The following RNF128 variants were observed in gnomAD, a reference collection of about 807,000 sequenced individuals.
RNF128 encodes E3 ubiquitin-protein ligase RNF128.
A neutral mutation model predicts 26.2 loss-of-function variants in RNF128; 13 were observed. The ratio of observed to expected loss-of-function variants is 0.50; its 90% CI spans 0.32 to 0.79. The LOEUF (loss-of-function observed/expected upper bound fraction) is 0.79. Ranked by LOEUF, RNF128 falls within the 30% of genes least tolerant of loss-of-function variation. The pLI is 0.03. For missense variants in RNF128, 315 were observed against 349.7 expected (o/e 0.90, Z 0.79); for synonymous variants, 149 against 142.5 (o/e 1.05, Z -0.32).
At chrX:106,755,450 T>C (rs1257353709) in intron 1 of RNF128, among the ~76,000 whole-genome samples, 1 of 108,122 alleles carries the variant, frequency 9.2e-6, no homozygotes. Flanking sequence ...GACAAAGACA[T>C]ATCGAAAAAA....
In RNF128 at chrX:106,727,019, T is replaced by G. The variant is rs1454708219; in HGVS notation, c.106T>G (p.Ser36Ala). The G allele has an allele frequency of 2.5e-6, 3 of 1,206,068 alleles. No individual in the cohort carries two copies. Among genetic ancestry groups the G allele is most frequent in the Non-Finnish European group, 3.4e-6 (3 of 893,256 alleles). The part of the protein sequence containing the change: ...LLALSPQAPG[S>A]RGAEAVWTAY... ...GGCCCTGAGTCCGCAGGCACCCGGTTCCCGGGGGGCTGAAGCAGTGTGGAC... is the reference window on the plus strand; with the variant it reads ...GGCCCTGAGTCCGCAGGCACCCGGTGCCCGGGGGGCTGAAGCAGTGTGGAC... The change falls in exon 1 of 7, where the codon TCC (serine) becomes GCC (alanine). Residue 36 changes from serine (S) to alanine (A), a missense_variant. Physicochemically the swap from Ser to Ala is moderately conservative, Grantham distance 99. Transcript: ENST00000255499.
chrX:106,744,382 G>A (rs1267271195), intron 1 of RNF128, among the ~76,000 whole-genome samples: 1 of 111,597 alleles, frequency 9.0e-6, no homozygotes, highest in Non-Finnish European at 1.9e-5. Flanking sequence ...GAAAAACAAT[G>A]CCACTCTTCC....
rs1245143013 is a variant in RNF128, at chrX:106,731,812, TTGC to T, written c.484+4417_484+4419del. ...ATTCTCACATATGTCTCCTTCTTCCTTGCTTTCAATACCCTGCTTTCAGTTCCT... is the reference window on the plus strand; with the variant it reads ...ATTCTCACATATGTCTCCTTCTTCCTTTTCAATACCCTGCTTTCAGTTCCT... On this transcript the variant is annotated intron_variant, in intron 1 of 6. Coordinates refer to ENST00000255499, the MANE Select transcript of RNF128 (RefSeq NM_194463.2). Among the ~76,000 whole-genome samples the T allele has an allele frequency of 8.1e-5, 9 of 111,721 alleles. No homozygotes were observed. The Admixed American group carries it at 8.6e-4, about 11-fold the overall frequency.
chrX:106,760,597 T>A lies in RNF128; in HGVS notation c.485-12316T>A, dbSNP rs184680477. ...ACAGTATGGAGAGTTTTTAAAAATGTTAGAAATACAATTACCATATAATCT... is the reference window on the plus strand; with the variant it reads ...ACAGTATGGAGAGTTTTTAAAAATGATAGAAATACAATTACCATATAATCT... On this transcript the variant is annotated intron_variant, in intron 1 of 6. Transcript: ENST00000255499. Among the ~76,000 whole-genome samples, 8 of 111,866 alleles carry A rather than the reference T, an allele frequency of 7.2e-5. No homozygotes were observed. In the East Asian group the frequency reaches 2.2e-3, roughly 31 times the overall value.
intron 1 of RNF128, among the ~76,000 whole-genome samples, chrX:106,709,407 C>T (rs1378861344): frequency 8.9e-6 from 1 of 111,848 alleles, no homozygotes; most frequent in South Asian, 3.7e-4. Context: ...CTCATTCAAG[C>T]AATAATACGT....
chrX:106,711,044 A>G (rs1929118393), intron 1 of RNF128, among the ~76,000 whole-genome samples: 1 of 111,990 alleles, frequency 8.9e-6, no homozygotes, highest in African/African-American at 3.2e-5. Context: ...CAGGATGTTG[A>G]AAAATATTTT....
At chrX:106,785,734 C>G (rs993082142) in intron 3 of RNF128, among the ~76,000 whole-genome samples, 21 of 112,227 alleles carry the variant, frequency 1.9e-4, no homozygotes, top group African/African-American at 6.8e-4. Context: ...CTACAGGAAA[C>G]TAATACAATG....
At chrX:106,719,618 G>A (rs1452437275) in intron 1 of RNF128, among the ~76,000 whole-genome samples, 2 of 111,365 alleles carry the variant, frequency 1.8e-5, no homozygotes, top group East Asian at 5.6e-4. Context: ...TCTCTCATTT[G>A]TCCTAGGCAA....
intron 1 of RNF128, among the ~76,000 whole-genome samples, chrX:106,737,598 T>TC (rs1232975734): frequency 9.0e-6 from 1 of 111,704 alleles, no homozygotes; most frequent in Non-Finnish European, 1.9e-5. Context: ...GCACTTTTTT[T>TC]CCCAAACATT....
chrX:106,703,957 C>T (rs1928999617), intron 1 of RNF128, among the ~76,000 whole-genome samples: 1 of 109,902 alleles, frequency 9.1e-6, no homozygotes, highest in Admixed American at 9.7e-5. Flanking sequence ...ACACTGAGGA[C>T]AGAATGTTGG....
Position 106,769,546 on chromosome X carries a change from G to GTTT in RNF128, c.485-3351_485-3349dup, listed in dbSNP as rs752900867. On this transcript the variant is annotated intron_variant, in intron 1 of 6. Coordinates refer to ENST00000255499, the MANE Select transcript of RNF128 (RefSeq NM_194463.2). ...AGACTAGGATTGCTACACCTGCTTT[G>GTTT]TTTTTTTTTTTTTTTTTTGCTTTCC... Among the ~76,000 whole-genome samples the GTTT allele has an allele frequency of 1.4e-3, 89 of 65,102 alleles. 1 individual carries two copies. Among genetic ancestry groups the GTTT allele is most frequent in the Admixed American group, 2.9e-3 (13 of 4,424 alleles). 56.5% of individuals were successfully genotyped at this position (65,102 alleles called of 115,157 possible).
rs750922463 is a variant in RNF128, at chrX:106,772,933, A to G, written c.505A>G (p.Ile169Val). The G allele has an allele frequency of 3.3e-6, 4 of 1,208,259 alleles. No individual in the cohort carries two copies. The highest frequency in any genetic ancestry group is 3.4e-6 in the Non-Finnish European group (3 of 894,321). The change falls in exon 2 of 7, where the codon ATC becomes GTC. Residue 169 changes from isoleucine to valine, a missense_variant. Coordinates refer to ENST00000255499, the MANE Select transcript of RNF128 (RefSeq NM_194463.2). ...TACAGGTGCAGTAGACATTGTTGCAATCATGATCGGCAATCTGAAAGGCAC... is the reference window on the plus strand; with the variant it reads ...TACAGGTGCAGTAGACATTGTTGCAGTCATGATCGGCAATCTGAAAGGCAC... Reference protein sequence around the residue: ...SHPGAVDIVAIMIGNLKGTKI... With the variant: ...SHPGAVDIVAVMIGNLKGTKI...
At position 106,788,373 on chromosome X, in the gene RNF128, TTA is replaced by T. The variant is rs1226758569; in HGVS notation, c.887+379_887+380del. On this transcript the variant is annotated intron_variant, in intron 4 of 6. Transcript: ENST00000255499. ...TATTATATACTATATATAATATATA[TTA>T]TATATTATATATAATATATATTATA... 6.8e-5 allele frequency among the ~76,000 whole-genome samples: 3 copies of T among 44,400 alleles called. No individual in the cohort carries two copies. The East Asian group carries it at 2.2e-3, about 33-fold the overall frequency. 38.6% of individuals were successfully genotyped at this position (44,400 alleles called of 115,157 possible). A position where few individuals can be genotyped will look rare whatever the true frequency, so the allele number is the denominator to read the frequency against.
chrX:106,714,092 G>A (rs1468445120), intron 1 of RNF128, among the ~76,000 whole-genome samples: 1 of 108,223 alleles, frequency 9.2e-6, no homozygotes, highest in African/African-American at 3.4e-5. Flanking sequence ...GCGGGAGAAT[G>A]GCGTGAACCC....
chrX:106,792,893 C>A (rs1043933124), intron 6 of RNF128, among the ~76,000 whole-genome samples: 2 of 111,927 alleles, frequency 1.8e-5, no homozygotes, highest in East Asian at 5.6e-4. Flanking sequence ...AATGAATTAC[C>A]ACTTAAACCA....
intron 6 of RNF128, among the ~76,000 whole-genome samples, chrX:106,793,370 A>G (rs1930860479): frequency 9.0e-6 from 1 of 111,537 alleles, no homozygotes; most frequent in African/African-American, 3.3e-5. Context: ...GGTATTTTTT[A>G]TTTTAATTTG....
intron 1 of RNF128, among the ~76,000 whole-genome samples, chrX:106,757,284 C>T (rs1475862269): frequency 1.2e-5 from 1 of 86,812 alleles, no homozygotes; most frequent in South Asian, 7.0e-4. Flanking sequence ...CACATGCACA[C>T]GTATGTTTAT....
intron 2 of RNF128, among the ~76,000 whole-genome samples, chrX:106,777,351 A>G (rs899296995): frequency 8.9e-5 from 10 of 112,158 alleles, no homozygotes; most frequent in Non-Finnish European, 1.9e-4. Context: ...AATTGGTATA[A>G]TAATGTAAAG....
At chrX:106,701,238 T>C (rs1019454812) in intron 1 of RNF128, among the ~76,000 whole-genome samples, 12 of 111,553 alleles carry the variant, frequency 1.1e-4, no homozygotes, top group Non-Finnish European at 1.5e-4. Flanking sequence ...TGTCTAGGGC[T>C]ACAATAGTGA....
Sources: gnomAD v4.1 joint callset for allele counts (sites outside exome capture counted in the v4.1 genomes callset) on GRCh38, gnomAD v4.1.1 for gene constraint, MANE v1.5 for transcripts, NCBI Gene and HGNC (gene_info 2026-07-23, HGNC 2026-07-21) for gene names.